Variants in HACD1 observed in about 807,000 individuals in gnomAD.
HACD1 encodes the protein very-long-chain (3R)-3-hydroxyacyl-CoA dehydratase 1.
A neutral mutation model predicts 32.0 loss-of-function variants in HACD1; 41 were observed. The ratio of observed to expected loss-of-function variants is 1.28; its 90% CI spans 1.00 to 1.66. The LOEUF (loss-of-function observed/expected upper bound fraction) is 1.66, where lower values mean the gene tolerates loss of function less well. Among genes scored for constraint, HACD1 ranks in the 40% most tolerant of loss-of-function variants. The probability of loss-of-function intolerance (pLI) is 0.00; values close to 1 mark genes in which losing one functional copy is unlikely to be tolerated. For missense variants in HACD1, 396 were observed against 380.1 expected (o/e 1.04, Z -0.35); for synonymous variants, 142 against 139.0 (o/e 1.02, Z -0.15).
Position 17,617,265 on chromosome 10 carries a change from C to A in HACD1, c.75G>T (p.Thr25=), listed in dbSNP as rs368942193. The A allele has an allele frequency of 1.1e-3, 1,641 of 1,472,902 alleles. 21 individuals carry two copies. The African/African-American group carries it at 0.022, about 20-fold the overall frequency. 91.2% of individuals were successfully genotyped at this position (1,472,902 alleles called of 1,614,324 possible). The change falls in exon 1 of 7, where the codon ACG becomes ACT. Residue 25 remains threonine (T), a synonymous_variant. Coordinates refer to ENST00000361271, the MANE Select transcript of HACD1 (RefSeq NM_014241.4). The part of the protein sequence containing the change: ...RAAGWAGSPP[T]LLPLSPTSPR... Reference sequence around the variant, plus strand: ...GGGACGTGGGAGACAGCGGCAGGAGCGTGGGAGGGGACCCTGCCCAGCCTG... The same window carrying A: ...GGGACGTGGGAGACAGCGGCAGGAGAGTGGGAGGGGACCCTGCCCAGCCTG...
At chr10:17,596,192 A>T (rs1833993134) in intron 5 of HACD1, among the ~76,000 whole-genome samples, 1 of 152,190 alleles carries the variant, frequency 6.6e-6, no homozygotes. Flanking sequence ...CCTGTATGTC[A>T]AGGATATGCG....
intron 4 of HACD1, among the ~76,000 whole-genome samples, chr10:17,600,431 C>A (rs1272785006): frequency 1.3e-5 from 2 of 152,010 alleles, no homozygotes; most frequent in African/African-American, 2.4e-5. Context: ...CCTCCACGTC[C>A]TAGGTTCAAA....
At chr10:17,603,836 G>A (rs1554816782) in intron 2 of HACD1, 92 bp from the exon 3 acceptor site, 3 of 1,469,168 alleles carry the variant, frequency 2.0e-6, no homozygotes, top group South Asian at 1.2e-5. Context: ...TCCATAGGTG[G>A]TATGTAATCA....
rs868994569 is a variant in HACD1 at position 17,604,476 on chromosome 10, G to A, written c.258-429C>T. Among the ~76,000 whole-genome samples, 6 of 105,610 alleles carry A rather than the reference G, an allele frequency of 5.7e-5. No homozygotes were observed. The South Asian group carries it at 2.0e-3, about 35-fold the overall frequency. 69.3% of individuals were successfully genotyped at this position (105,610 alleles called of 152,430 possible). ...TCTAGCCTGGGCGACAGAGCTGTCC[G>A]TCTCAAAAAAAAAAAAAAAAAAAAG... On this transcript the variant is annotated intron_variant, in intron 1 of 6. Transcript: ENST00000361271.
chr10:17,616,999 C>T (rs1023033970), intron 1 of HACD1, 84 bp downstream of exon 1: 44 of 1,290,034 alleles, frequency 3.4e-5, no homozygotes, highest in Non-Finnish European at 3.9e-5. Context: ...GCGCCCCTTA[C>T]ACCCCGGCCC....
chr10:17,617,225 TG>T lies in HACD1; in HGVS notation c.114del (p.Thr39ProfsTer45). ...CCGTCCTCGTCGCTGGACGCCATGG[TG>T]GCCGCGCACCTGGGGGACGTGGGAG... The part of the protein sequence containing the change: ...PLSPTSPRCA[A>X]TMASSDEDGT... On this transcript the variant is annotated frameshift_variant, in exon 1 of 7. Coordinates refer to ENST00000361271, the MANE Select transcript of HACD1 (RefSeq NM_014241.4). LOFTEE classifies it high-confidence loss of function. The T allele has an allele frequency of 6.7e-7, 1 of 1,491,596 alleles. No individual in the cohort carries two copies. Among genetic ancestry groups the T allele is most frequent in the Non-Finnish European group, 8.9e-7 (1 of 1,125,996 alleles). 92.4% of individuals were successfully genotyped at this position (1,491,596 alleles called of 1,614,324 possible).
intron 4 of HACD1, among the ~76,000 whole-genome samples, chr10:17,602,272 G>A (rs552870989): frequency 5.3e-5 from 8 of 152,022 alleles, no homozygotes; most frequent in East Asian, 1.9e-4. Context: ...GTTTCACCAC[G>A]TTAGCCAGGC....
intron 1 of HACD1, among the ~76,000 whole-genome samples, chr10:17,609,314 C>T (rs1033510154): frequency 5.9e-5 from 9 of 151,858 alleles, no homozygotes; most frequent in Non-Finnish European, 1.2e-4. Context: ...CCACCACGCC[C>T]GGCTAATTTG....
chr10:17,607,568 G>A (rs1834166049), intron 1 of HACD1, among the ~76,000 whole-genome samples: 1 of 152,198 alleles, frequency 6.6e-6, no homozygotes, highest in Non-Finnish European at 1.5e-5. Context: ...TTGAGAGGCA[G>A]TTATTAACCT....
chr10:17,614,124 C>T (rs1833034579), intron 1 of HACD1, among the ~76,000 whole-genome samples: 1 of 152,112 alleles, frequency 6.6e-6, no homozygotes, highest in South Asian at 2.1e-4. Flanking sequence ...GGACAGACAC[C>T]CAGTTAACAC....
intron 1 of HACD1, among the ~76,000 whole-genome samples, chr10:17,616,644 TAAA>T (rs11343373): frequency 4.8e-5 from 6 of 125,236 alleles, no homozygotes; most frequent in Admixed American, 8.1e-5. Flanking sequence ...TGCTGTGCTT[TAAA>T]AAAAAAAAAA....
intron 1 of HACD1, among the ~76,000 whole-genome samples, chr10:17,614,480 C>T (rs1294299058): frequency 3.3e-5 from 5 of 151,732 alleles, no homozygotes; most frequent in Non-Finnish European, 7.4e-5. Flanking sequence ...TGGTCTCAGG[C>T]GATCCACCCG....
At chr10:17,598,983 A>T in intron 5 of HACD1, 1 of 235,922 alleles carries the variant, frequency 4.2e-6, no homozygotes, top group Non-Finnish European at 7.7e-6. Context: ...CTGCTTATGT[A>T]AGCTAATTCC....
intron 6 of HACD1, among the ~76,000 whole-genome samples, chr10:17,591,301 T>C (rs1833925155): frequency 6.6e-6 from 1 of 152,126 alleles, no homozygotes; most frequent in African/African-American, 2.4e-5. Context: ...CTCAGGACCA[T>C]GGATCAACGA....
Position 17,617,107 on chromosome 10 carries a change from A to C in HACD1, c.233T>G (p.Phe78Cys). 1 of 1,500,504 alleles carries C rather than the reference A, an allele frequency of 6.7e-7. No homozygotes were observed. Among genetic ancestry groups the C allele is most frequent in the Non-Finnish European group, 8.9e-7 (1 of 1,127,732 alleles). The allele number at this position is 1,500,504 out of a possible 1,614,324, so 92.9% of individuals were successfully genotyped here. The part of the protein sequence containing the change: ...LGVLATAWLT[F>C]YDIAMTAGWL... ...CCCCGCGGTCATGGCGATGTCGTAGAAGGTGAGCCAGGCGGTGGCCAAGAC... is the reference window on the plus strand; with the variant it reads ...CCCCGCGGTCATGGCGATGTCGTAGCAGGTGAGCCAGGCGGTGGCCAAGAC... Residue 78 changes from phenylalanine (F) to cysteine (C), a missense_variant, in exon 1 of 7, where the codon TTC becomes TGC. Phe to Cys is a radical substitution (Grantham distance 205). Coordinates refer to ENST00000361271, the MANE Select transcript of HACD1 (RefSeq NM_014241.4).
intron 1 of HACD1, among the ~76,000 whole-genome samples, chr10:17,604,415 C>T (rs1834116007): frequency 7.1e-6 from 1 of 141,266 alleles, no homozygotes; most frequent in Admixed American, 7.7e-5. Context: ...ACCTGGGAGG[C>T]GGAGCTTGCA....
chr10:17,606,563 AAAG>A (rs1834151698), intron 1 of HACD1, among the ~76,000 whole-genome samples: 1 of 152,228 alleles, frequency 6.6e-6, no homozygotes, highest in African/African-American at 2.4e-5. Context: ...TTTTTTAATC[AAAG>A]AACACTCATA....
chr10:17,592,062 AC>A (rs1264071374), intron 6 of HACD1, among the ~76,000 whole-genome samples: 2 of 142,842 alleles, frequency 1.4e-5, no homozygotes, highest in Admixed American at 7.6e-5. Flanking sequence ...GCTCACTGCA[AC>A]CTCTGCCTCC....
intron 1 of HACD1, among the ~76,000 whole-genome samples, chr10:17,614,503 A>G (rs914056686): frequency 6.6e-6 from 1 of 151,824 alleles, no homozygotes; most frequent in Non-Finnish European, 1.5e-5. Flanking sequence ...TCAGCCTCCC[A>G]AAGTGCTGGG....
Sources: gnomAD v4.1 joint callset for allele counts (sites outside exome capture counted in the v4.1 genomes callset) on GRCh38, gnomAD v4.1.1 for gene constraint, MANE v1.5 for transcripts, NCBI Gene and HGNC (gene_info 2026-07-23, HGNC 2026-07-21) for gene names.